NFIL3: variants seen among roughly 807,000 people sequenced by gnomAD.
NFIL3 encodes nuclear factor, interleukin 3 regulated, also known as nuclear factor interleukin-3-regulated protein.
A neutral mutation model predicts 10.0 loss-of-function variants in NFIL3; 5 were observed. That is an observed-to-expected ratio of 0.50 (90% CI 0.26 to 1.06). NFIL3 has a LOEUF of 1.06. NFIL3 is among the 50% of genes least tolerant of loss of function. The pLI is 0.13. For synonymous variants in NFIL3, 202 were observed against 206.5 expected (o/e 0.98, Z 0.19); for missense variants, 436 against 547.6 (o/e 0.80, Z 2.03).
the NFIL3 span, among the ~76,000 whole-genome samples, chr9:91,466,756 A>G: frequency 6.6e-6 from 1 of 152,156 alleles, no homozygotes; most frequent in Non-Finnish European, 1.5e-5. Context: ...GAGAATAAAC[A>G]TGGTTTAAAG....
upstream of NFIL3, among the ~76,000 whole-genome samples, chr9:91,424,175 G>GC (rs953378062): frequency 2.0e-5 from 3 of 151,998 alleles, no homozygotes; most frequent in South Asian, 4.1e-4. Flanking sequence ...GAGCCCGGGA[G>GC]CCCCCCGTCC....
the NFIL3 span, among the ~76,000 whole-genome samples, chr9:91,455,906 T>C: frequency 1.5e-4 from 23 of 152,282 alleles, no homozygotes; most frequent in African/African-American, 5.5e-4. Flanking sequence ...TGAACATGTA[T>C]ATCACCCCTA....
At chr9:91,480,271 A>T in the NFIL3 span, among the ~76,000 whole-genome samples, 4 of 152,072 alleles carry the variant, frequency 2.6e-5, no homozygotes, top group South Asian at 8.3e-4. Flanking sequence ...AAAGTTCAGG[A>T]AGCACAAGAA....
chr9:91,470,690 A>C, the NFIL3 span, among the ~76,000 whole-genome samples: 1,012 of 152,240 alleles, frequency 6.6e-3, 10 homozygotes, highest in African/African-American at 0.023. Context: ...CACTGCTTTA[A>C]ATGTGTCCCA....
chr9:91,453,176 C>T, the NFIL3 span, among the ~76,000 whole-genome samples: 7 of 152,046 alleles, frequency 4.6e-5, no homozygotes, highest in Non-Finnish European at 8.8e-5. Flanking sequence ...CTTCCTGTGG[C>T]TTCACATGGT....
the NFIL3 span, among the ~76,000 whole-genome samples, chr9:91,446,576 C>A: frequency 6.6e-6 from 1 of 152,178 alleles, no homozygotes; most frequent in Non-Finnish European, 1.5e-5. Flanking sequence ...TTTCATCCTT[C>A]CAAATGGAAA....
the NFIL3 span, among the ~76,000 whole-genome samples, chr9:91,436,582 A>G: frequency 2.0e-5 from 2 of 99,722 alleles, no homozygotes; most frequent in Non-Finnish European, 4.3e-5. Flanking sequence ...TGCCTCAACA[A>G]CAACAACAAC....
At chr9:91,469,043 A>G in the NFIL3 span, among the ~76,000 whole-genome samples, 1 of 152,254 alleles carries the variant, frequency 6.6e-6, no homozygotes, top group Admixed American at 6.5e-5. Context: ...TATGAACTTT[A>G]AAGTAGTTTT....
the NFIL3 span, among the ~76,000 whole-genome samples, chr9:91,434,639 A>T: frequency 6.6e-6 from 1 of 152,218 alleles, no homozygotes; most frequent in South Asian, 2.1e-4. Context: ...AATTTGAGAA[A>T]ATAGTTCACA....
the NFIL3 span, among the ~76,000 whole-genome samples, chr9:91,446,309 T>A: frequency 6.6e-6 from 1 of 152,244 alleles, no homozygotes; most frequent in Non-Finnish European, 1.5e-5. Context: ...GTAGCCATAC[T>A]GGATTTCTGT....
In NFIL3 at chr9:91,409,114, A is replaced by C. The variant is rs1833486143; in HGVS notation, c.*232T>G. The C allele has an allele frequency of 7.1e-6, 3 of 422,512 alleles. No individual in the cohort carries two copies. The East Asian group carries it at 1.1e-4, about 15-fold the overall frequency. 26.2% of individuals were successfully genotyped at this position (422,512 alleles called of 1,614,324 possible). On this transcript the variant is annotated 3_prime_UTR_variant, in exon 2 of 2. Transcript: ENST00000297689. ...CACTTTATAATAGAACAACAAAAAT[A>C]ATGTTCAATATATACAGCCTTCGCA...
At chr9:91,415,808 G>C (rs779505736) in intron 1 of NFIL3, among the ~76,000 whole-genome samples, 1 of 151,978 alleles carries the variant, frequency 6.6e-6, no homozygotes, top group Non-Finnish European at 1.5e-5. Context: ...TGTATTTTTA[G>C]TAGAGACGGG....
At chr9:91,456,877 G>A in the NFIL3 span, among the ~76,000 whole-genome samples, 1 of 152,042 alleles carries the variant, frequency 6.6e-6, no homozygotes, top group Non-Finnish European at 1.5e-5. Flanking sequence ...TATATGGTGT[G>A]AGGAATGCAT....
Position 91,413,930 on chromosome 9 carries a change from T to G in NFIL3, c.-172-3024A>C, listed in dbSNP as rs528384890. Among the ~76,000 whole-genome samples the G allele has an allele frequency of 8.1e-4, 124 of 152,336 alleles. 1 individual carries two copies. Among genetic ancestry groups the G allele is most frequent in the Middle Eastern group, 6.8e-3 (2 of 294 alleles). On this transcript the variant is annotated intron_variant, in intron 1 of 1. Coordinates refer to ENST00000297689, the MANE Select transcript of NFIL3 (RefSeq NM_005384.3). The stretch of plus-strand genomic sequence containing the variant: ...TCTTAAAAAAAAAAATCAGATTCCT[T>G]TATTTTGCCTCACTTACTAGATTTA...
At chr9:91,475,428 C>T in the NFIL3 span, among the ~76,000 whole-genome samples, 10 of 152,240 alleles carry the variant, frequency 6.6e-5, no homozygotes, top group South Asian at 2.1e-3. Flanking sequence ...CTTGGGCTAA[C>T]ATGACAGTCA....
At chr9:91,465,417 GTTTTTTAC>G in the NFIL3 span, among the ~76,000 whole-genome samples, 4 of 151,872 alleles carry the variant, frequency 2.6e-5, no homozygotes, top group Non-Finnish European at 4.4e-5. Context: ...CTGCCACAGT[GTTTTTTAC>G]TTCTAGAAAT....
At chr9:91,443,592 G>A in the NFIL3 span, among the ~76,000 whole-genome samples, 1 of 152,236 alleles carries the variant, frequency 6.6e-6, no homozygotes, top group Non-Finnish European at 1.5e-5. Context: ...ACCTGAACAG[G>A]TCACAACAGC....
chr9:91,430,499 G>A, the NFIL3 span, among the ~76,000 whole-genome samples: 1 of 152,246 alleles, frequency 6.6e-6, no homozygotes, highest in African/African-American at 2.4e-5. Context: ...AGCATAACTC[G>A]AATACTGTCG....
At chr9:91,468,696 TC>T in the NFIL3 span, among the ~76,000 whole-genome samples, 5 of 152,220 alleles carry the variant, frequency 3.3e-5, no homozygotes, top group African/African-American at 1.2e-4. Context: ...CTTTAATCCA[TC>T]TTGAATTAAT....
Sources: gnomAD v4.1 joint callset for allele counts (sites outside exome capture counted in the v4.1 genomes callset) on GRCh38, gnomAD v4.1.1 for gene constraint, MANE v1.5 for transcripts, NCBI Gene and HGNC (gene_info 2026-07-23, HGNC 2026-07-21) for gene names.